Variants in CPNE4 observed in about 807,000 individuals in gnomAD.
The protein encoded by CPNE4 is copine 4.
A neutral mutation model predicts 67.9 loss-of-function variants in CPNE4; 25 were observed. The observed-to-expected ratio is 0.37, with a 90% CI of 0.27 to 0.51. The LOEUF (loss-of-function observed/expected upper bound fraction) is 0.51, where lower values mean the gene tolerates loss of function less well. CPNE4 is among the 20% of genes least tolerant of loss of function. The pLI is 0.93. For synonymous variants in CPNE4, 242 were observed against 244.9 expected, an observed-to-expected ratio of 0.99 and a Z score of 0.11; for missense variants, 464 against 690.8, an observed-to-expected ratio of 0.67 and a Z score of 3.68.
intron 12 of CPNE4, 88 bp from the exon 13 acceptor site, chr3:131,552,579 A>G: frequency 9.9e-7 from 1 of 1,010,880 alleles, no homozygotes; most frequent in Non-Finnish European, 1.5e-6. Flanking sequence ...TAGAGTTTGC[A>G]AACAAATGCC....
At chr3:131,832,154 G>A (rs1036827959) in intron 2 of CPNE4, among the ~76,000 whole-genome samples, 2 of 152,140 alleles carry the variant, frequency 1.3e-5, no homozygotes, top group Admixed American at 1.3e-4. Context: ...TAGCTTTAGA[G>A]GCGTTTGTTA....
At chr3:132,004,717 CCAA>C (rs1356445884) in intron 1 of CPNE4, among the ~76,000 whole-genome samples, 1 of 152,040 alleles carries the variant, frequency 6.6e-6, no homozygotes, top group Non-Finnish European at 1.5e-5. Context: ...ACTGGTATAA[CCAA>C]CATCAAGAAA....
chr3:131,774,158 G>T (rs996059614), intron 2 of CPNE4, among the ~76,000 whole-genome samples: 1 of 152,034 alleles, frequency 6.6e-6, no homozygotes, highest in East Asian at 1.9e-4. Context: ...CAGCAGGCAG[G>T]GTCCTCATAG....
At chr3:131,535,386 T>A (rs76599136) in intron 15 of CPNE4, 57 bp from the exon 16 acceptor site, 27,243 of 1,544,080 alleles carry the variant, frequency 0.018, 1,076 homozygotes, top group African/African-American at 0.15. Flanking sequence ...ATCAGACTCA[T>A]CCTAAAAGAT....
At position 131,637,207 on chromosome 3, in the gene CPNE4, G is replaced by A. The variant is rs544812693; in HGVS notation, c.681+32468C>T. 3.9e-4 allele frequency among the ~76,000 whole-genome samples: 60 copies of A among 152,310 alleles called. 2 individuals carry two copies. In the South Asian group the frequency reaches 0.012, roughly 30 times the overall value. ...CCAAGGCAAAATCTCTGAATTGCCA[G>A]ATAAAGAATTCAGAAGGTTGATTAT... On this transcript the variant is annotated intron_variant, in intron 7 of 15. Coordinates refer to ENST00000429747, the MANE Select transcript of CPNE4 (RefSeq NM_130808.3).
intron 7 of CPNE4, among the ~76,000 whole-genome samples, chr3:131,648,089 G>A (rs1415066335): frequency 6.6e-6 from 1 of 152,172 alleles, no homozygotes; most frequent in Non-Finnish European, 1.5e-5. Context: ...ATAAGTCTGT[G>A]TGGCTGGGCA....
At chr3:131,665,574 A>G (rs1277049197) in intron 7 of CPNE4, among the ~76,000 whole-genome samples, 1 of 151,914 alleles carries the variant, frequency 6.6e-6, no homozygotes, top group Non-Finnish European at 1.5e-5. Context: ...CAGGGAAATC[A>G]CTTGAACCTG....
intron 3 of CPNE4, among the ~76,000 whole-genome samples, chr3:131,714,549 T>C (rs1408115616): frequency 2.0e-5 from 3 of 152,206 alleles, no homozygotes; most frequent in South Asian, 4.1e-4. Flanking sequence ...AAACACTGGT[T>C]CCTTTCTTGA....
chr3:131,764,564 A>G (rs1053132317), intron 2 of CPNE4, among the ~76,000 whole-genome samples: 1 of 152,126 alleles, frequency 6.6e-6, no homozygotes, highest in Non-Finnish European at 1.5e-5. Context: ...AAAATTGTAC[A>G]TTCCCACATT....
chr3:132,015,150 T>G (rs2073860904), intron 1 of CPNE4, among the ~76,000 whole-genome samples: 2 of 152,230 alleles, frequency 1.3e-5, no homozygotes, highest in Admixed American at 1.3e-4. Flanking sequence ...CTGGTTTATC[T>G]TTAATCTGCT....
chr3:131,564,437 G>C, intron 10 of CPNE4, 88 bp from the exon 11 acceptor site: 1 of 1,310,506 alleles, frequency 7.6e-7, no homozygotes, highest in Non-Finnish European at 1.1e-6. Context: ...ACCTGGCCTC[G>C]GGTCAAAAAC....
intron 2 of CPNE4, among the ~76,000 whole-genome samples, chr3:131,758,802 A>G (rs1235027133): frequency 6.6e-6 from 1 of 152,086 alleles, no homozygotes; most frequent in Non-Finnish European, 1.5e-5. Flanking sequence ...TTCTCGTGAT[A>G]GTGAATAAGT....
chr3:131,640,239 T>C (rs1201327024), intron 7 of CPNE4, among the ~76,000 whole-genome samples: 3 of 152,158 alleles, frequency 2.0e-5, no homozygotes, highest in Admixed American at 1.3e-4. Flanking sequence ...GCAGATGATA[T>C]GATTGTATAC....
intron 2 of CPNE4, among the ~76,000 whole-genome samples, chr3:131,812,220 G>GAAA (rs34281349): frequency 4.4e-5 from 6 of 135,120 alleles, no homozygotes; most frequent in Admixed American, 7.3e-5. Flanking sequence ...AAAATTGGAA[G>GAAA]AAAAAAAAAA....
chr3:132,037,477 T>C, upstream of CPNE4: 1 of 997,152 alleles, frequency 1.0e-6, no homozygotes, highest in Non-Finnish European at 1.5e-6. Flanking sequence ...TTTCAATCAC[T>C]GCCCCCACAG....
At chr3:131,868,712 T>G (rs561419904) in intron 2 of CPNE4, among the ~76,000 whole-genome samples, 1 of 152,258 alleles carries the variant, frequency 6.6e-6, no homozygotes, top group African/African-American at 2.4e-5. Flanking sequence ...CCCAACACAC[T>G]TCCTACTTCT....
chr3:131,978,887 T>G (rs2072827272), intron 1 of CPNE4, among the ~76,000 whole-genome samples: 1 of 151,880 alleles, frequency 6.6e-6, no homozygotes, highest in African/African-American at 2.4e-5. Flanking sequence ...TTTGACAGAT[T>G]GTCATTATTG....
chr3:131,698,640 A>AG (rs2081218150), intron 4 of CPNE4, among the ~76,000 whole-genome samples: 1 of 150,848 alleles, frequency 6.6e-6, no homozygotes, highest in African/African-American at 2.4e-5. Context: ...GGCAGGGTGC[A>AG]GTGGCTCACA....
intron 1 of CPNE4, among the ~76,000 whole-genome samples, chr3:131,974,951 T>C (rs1026613770): frequency 5.9e-5 from 9 of 152,022 alleles, no homozygotes; most frequent in Admixed American, 4.6e-4. Context: ...GAGGTTCCCA[T>C]GAGCGGAGAT....
Sources: gnomAD v4.1 joint callset for allele counts (sites outside exome capture counted in the v4.1 genomes callset) on GRCh38, gnomAD v4.1.1 for gene constraint, MANE v1.5 for transcripts, NCBI Gene and HGNC (gene_info 2026-07-23, HGNC 2026-07-21) for gene names.